PLIN3: variants seen among roughly 807,000 people sequenced by gnomAD.
The protein encoded by PLIN3 is perilipin-3.
A neutral mutation model predicts 35.9 loss-of-function variants in PLIN3; 30 were observed. The ratio of observed to expected loss-of-function variants is 0.84; its 90% CI spans 0.62 to 1.13. The LOEUF (loss-of-function observed/expected upper bound fraction) is 1.13, where lower values mean the gene tolerates loss of function less well. Among genes scored for constraint, PLIN3 ranks in the 50% most tolerant of loss-of-function variants. The probability of loss-of-function intolerance (pLI) is 0.00; values close to 1 mark genes in which losing one functional copy is unlikely to be tolerated. For synonymous variants in PLIN3, 261 were observed against 262.5 expected (o/e 0.99, Z 0.06); for missense variants, 603 against 596.9 (o/e 1.01, Z -0.11).
At chr19:4,848,983 T>A (rs80169676) in intron 5 of PLIN3, among the ~76,000 whole-genome samples, 1 of 152,138 alleles carries the variant, frequency 6.6e-6, no homozygotes, top group Non-Finnish European at 1.5e-5. Context: ...TTCTTTTTTT[T>A]AGACAGGGTC....
At chr19:4,848,023 G>T (rs866056318) in intron 5 of PLIN3, 133 bp from the exon 6 acceptor site, 4 of 725,260 alleles carry the variant, frequency 5.5e-6, no homozygotes. Flanking sequence ...TCGCTCTGTC[G>T]CCCAGGTTGG....
intron 1 of PLIN3, among the ~76,000 whole-genome samples, chr19:4,864,075 G>A (rs2030762102): frequency 6.7e-6 from 1 of 148,738 alleles, no homozygotes; most frequent in Admixed American, 6.8e-5. Context: ...TGGGACTACA[G>A]GCACGCACCA....
Position 4,839,275 on chromosome 19 carries a change from C to T in PLIN3, c.1222G>A (p.Val408Met). The change falls in exon 8 of 8, where the codon GTG (valine) becomes ATG (methionine). Residue 408 changes from valine (V) to methionine (M), a missense_variant. Val to Met is a conservative substitution (Grantham distance 21). Coordinates refer to ENST00000221957, the MANE Select transcript of PLIN3 (RefSeq NM_005817.5). ...CACGTGACAGGTGTGTTCTGGGCCA[C>T]ATATTCCACCATGTGGTCCAGGGCC... is the stretch of plus-strand genomic sequence containing the variant. ...REALDHMVEYVAQNTPVTWLV... is the reference protein window; with the variant it reads ...REALDHMVEYMAQNTPVTWLV... 2 of 1,614,108 alleles carry T rather than the reference C, an allele frequency of 1.2e-6. No individual in the cohort carries two copies. The highest frequency in any genetic ancestry group is 2.2e-5 in the South Asian group (2 of 91,088).
chr19:4,858,696 T>TCG (rs1568379686), intron 4 of PLIN3, among the ~76,000 whole-genome samples: 2 of 72,988 alleles, frequency 2.7e-5, no homozygotes, highest in African/African-American at 8.4e-5. Flanking sequence ...TATGGTGTTT[T>TCG]TTTGGTTTTT....
chr19:4,847,471 T>C (rs1025238608), intron 6 of PLIN3, among the ~76,000 whole-genome samples: 1 of 151,998 alleles, frequency 6.6e-6, no homozygotes, highest in African/African-American at 2.4e-5. Context: ...CTTGAGGGAC[T>C]CACACAAAGA....
At position 4,852,267 on chromosome 19, in the gene PLIN3, T is replaced by A; in HGVS notation, c.383A>T (p.Lys128Met). ...CACCATCTCTTGGGCCCCCGACACC[T>A]TAGACGACACAAGCTCCTTGGTGTC... ...LADTKELVSSKVSGAQEMVSS... is the reference protein window; with the variant it reads ...LADTKELVSSMVSGAQEMVSS... The change falls in exon 5 of 8, where the codon AAG (lysine) becomes ATG (methionine). Residue 128 changes from lysine to methionine, a missense_variant. Lys to Met is a moderately conservative substitution (Grantham distance 95). Transcript: ENST00000221957. 1 of 1,605,308 alleles carries A rather than the reference T, an allele frequency of 6.2e-7. No homozygotes were observed. Among genetic ancestry groups the A allele is most frequent in the Non-Finnish European group, 8.5e-7 (1 of 1,179,956 alleles).
chr19:4,843,380 C>T lies in PLIN3; in HGVS notation c.960+1288G>A, dbSNP rs1012402627. Among the ~76,000 whole-genome samples the T allele has an allele frequency of 6.0e-5, 9 of 151,054 alleles. No homozygotes were observed. In the East Asian group the frequency reaches 1.6e-3, roughly 26 times the overall value. Reference sequence around the variant, plus strand: ...AAAATTAGCTGGGCCTGGTGGCGGGCGCCTGTAGTCCCAGATACTCGGGAG... The same window carrying T: ...AAAATTAGCTGGGCCTGGTGGCGGGTGCCTGTAGTCCCAGATACTCGGGAG... On this transcript the variant is annotated intron_variant, in intron 7 of 7. Transcript: ENST00000221957.
rs2030597672 is a variant in PLIN3 at position 4,859,617 on chromosome 19, G to A, written c.321C>T (p.Leu107=). The A allele has an allele frequency of 1.9e-6, 3 of 1,614,202 alleles. No individual in the cohort carries two copies. Among genetic ancestry groups the A allele is most frequent in the African/African-American group, 1.3e-5 (1 of 75,052 alleles). Residue 107 remains leucine (L), a synonymous_variant, in exon 4 of 8, where the codon CTC becomes CTT. Transcript: ENST00000221957. ...TCTCCGTGGGCTGCTGCAGGATGGG[G>A]AGGTTCTCCTCCAACTTGTCCAGCC... is the stretch of plus-strand genomic sequence containing the variant. ...HRGLDKLEEN[L]PILQQPTEKV... is the part of the protein sequence containing the mutation.
At chr19:4,847,214 G>C (rs1350990791) in intron 6 of PLIN3, among the ~76,000 whole-genome samples, 6 of 150,802 alleles carry the variant, frequency 4.0e-5, no homozygotes, top group Non-Finnish European at 5.9e-5. Flanking sequence ...TTTTGAGATG[G>C]GGTCTTGCTC....
chr19:4,852,973 C>G (rs10406298), intron 4 of PLIN3, among the ~76,000 whole-genome samples: 19,753 of 152,026 alleles, frequency 0.13, 1,378 homozygotes, highest in Middle Eastern at 0.18. Flanking sequence ...CGCCACCACG[C>G]CAGGCTAATT....
At chr19:4,866,427 T>C (rs7250638) in intron 1 of PLIN3, among the ~76,000 whole-genome samples, 37,163 of 152,074 alleles carry the variant, frequency 0.24, 4,915 homozygotes, top group East Asian at 0.4. Context: ...TATAAGTGTT[T>C]CACAAGAGCC....
chr19:4,839,228 A>G lies in PLIN3; in HGVS notation c.1269T>C (p.Pro423=). The G allele has an allele frequency of 6.2e-7, 1 of 1,609,250 alleles. No individual in the cohort carries two copies. The highest frequency in any genetic ancestry group is 8.5e-7 in the Non-Finnish European group (1 of 1,176,374). Residue 423 remains proline (P), a synonymous_variant, in exon 8 of 8, where the codon CCT becomes CCC. Transcript: ENST00000221957. ...PVTWLVGPFA[P]GITEKAPEEK... is the part of the protein sequence containing the mutation. Reference sequence around the variant, plus strand: ...CCTCCGGGGCTTTCTCAGTGATTCCAGGGGCAAAGGGTCCCACGAGCCACG... The same window carrying G: ...CCTCCGGGGCTTTCTCAGTGATTCCGGGGGCAAAGGGTCCCACGAGCCACG...
At chr19:4,843,189 T>G (rs1000224993) in intron 7 of PLIN3, among the ~76,000 whole-genome samples, 3 of 151,220 alleles carry the variant, frequency 2.0e-5, no homozygotes, top group Non-Finnish European at 4.4e-5. Flanking sequence ...GCCACTGCAC[T>G]CCAGCCTGGG....
intron 1 of PLIN3, among the ~76,000 whole-genome samples, chr19:4,866,312 C>A (rs1339502423): frequency 6.6e-6 from 1 of 152,166 alleles, no homozygotes; most frequent in Admixed American, 6.5e-5. Context: ...GTCATCCTGC[C>A]CAGCCCAGAA....
intron 6 of PLIN3, among the ~76,000 whole-genome samples, chr19:4,846,959 G>A (rs949773767): frequency 2.4e-4 from 36 of 149,070 alleles, no homozygotes; most frequent in Admixed American, 4.8e-4. Flanking sequence ...GCATGATCTC[G>A]GCTCACTGCA....
intron 1 of PLIN3, among the ~76,000 whole-genome samples, chr19:4,865,716 AT>A (rs1456656199): frequency 0.014 from 1,835 of 129,918 alleles, 21 homozygotes; most frequent in African/African-American, 0.031. Flanking sequence ...GGTTCTTTCC[AT>A]TTTTTTTTTT....
At position 4,847,908 on chromosome 19, in the gene PLIN3, A is replaced by AG; in HGVS notation, c.635-19dup. ...GATGCGGGCTGCAAGGAAAAGGAGA[A>AG]GGGTCTCTGTGAAGACCAGAACACA... is the stretch of plus-strand genomic sequence containing the variant. On this transcript the variant is annotated intron_variant, in intron 5 of 7. Coordinates refer to ENST00000221957, the MANE Select transcript of PLIN3 (RefSeq NM_005817.5). The AG allele has an allele frequency of 6.2e-7, 1 of 1,601,544 alleles. No individual in the cohort carries two copies. The highest frequency in any genetic ancestry group is 8.5e-7 in the Non-Finnish European group (1 of 1,171,004).
chr19:4,866,296 G>C (rs2030856414), intron 1 of PLIN3, among the ~76,000 whole-genome samples: 2 of 152,144 alleles, frequency 1.3e-5, no homozygotes, highest in Admixed American at 1.3e-4. Flanking sequence ...GGGATTATAG[G>C]CGTGAGTCAT....
chr19:4,855,252 A>AAAGG (rs370106598), intron 4 of PLIN3, among the ~76,000 whole-genome samples: 1 of 113,824 alleles, frequency 8.8e-6, no homozygotes, highest in Non-Finnish European at 1.7e-5. Context: ...TCCATCTGAA[A>AAAGG]AAAAAAAAAA....
Sources: allele counts gnomAD v4.1 joint callset (sites outside exome capture counted in the v4.1 genomes callset), GRCh38; gene constraint gnomAD v4.1.1; transcripts MANE v1.5; gene names NCBI Gene and HGNC (gene_info 2026-07-23, HGNC 2026-07-21).